RALGPS2: variants seen among roughly 807,000 people sequenced by gnomAD.
The protein encoded by RALGPS2 is ras-specific guanine nucleotide-releasing factor RalGPS2.
RALGPS2 carries 43 observed loss-of-function variants against 86.8 expected under a neutral mutation model. The ratio of observed to expected loss-of-function variants is 0.50; its 90% CI spans 0.39 to 0.64. The LOEUF (loss-of-function observed/expected upper bound fraction) is 0.64. Among genes scored for constraint, RALGPS2 ranks in the 30% least tolerant of loss-of-function variants. RALGPS2 has a pLI of 0.00. For synonymous variants in RALGPS2, 243 were observed against 231.3 expected, an observed-to-expected ratio of 1.05 and a Z score of -0.46; for missense variants, 536 against 694.6, an observed-to-expected ratio of 0.77 and a Z score of 2.57.
chr1:178,869,784 C>G (rs948288051), intron 8 of RALGPS2, among the ~76,000 whole-genome samples: 3 of 151,946 alleles, frequency 2.0e-5, no homozygotes, highest in African/African-American at 7.3e-5. Context: ...AAAGGAGCCC[C>G]AAATCTAACA....
intron 4 of RALGPS2, among the ~76,000 whole-genome samples, chr1:178,791,632 G>C (rs1572336978): frequency 6.6e-6 from 1 of 152,250 alleles, no homozygotes; most frequent in Non-Finnish European, 1.5e-5. Flanking sequence ...CAGTTTCTGA[G>C]TTACGTATAA....
intron 1 of RALGPS2, among the ~76,000 whole-genome samples, chr1:178,767,003 G>A (rs1362336926): frequency 6.6e-6 from 1 of 152,144 alleles, no homozygotes; most frequent in Non-Finnish European, 1.5e-5. Flanking sequence ...TGATTTTGCT[G>A]TTAAGATTTG....
intron 6 of RALGPS2, among the ~76,000 whole-genome samples, chr1:178,812,585 A>G (rs1011982003): frequency 3.3e-5 from 5 of 152,182 alleles, no homozygotes; most frequent in Admixed American, 3.3e-4. Flanking sequence ...CTATCTCAAA[A>G]TATGTCAAAG....
chr1:178,732,008 A>C (rs189280453), intron 1 of RALGPS2, among the ~76,000 whole-genome samples: 20 of 152,252 alleles, frequency 1.3e-4, no homozygotes, highest in South Asian at 8.3e-4. Context: ...GAGAGTTACT[A>C]TAGAAATAGG....
intron 7 of RALGPS2, among the ~76,000 whole-genome samples, chr1:178,824,583 C>T (rs766112979): frequency 6.6e-6 from 1 of 151,984 alleles, no homozygotes; most frequent in African/African-American, 2.4e-5. Context: ...CCAAGTCGGG[C>T]GGATCACAAG....
At chr1:178,781,871 A>C (rs188436124) in intron 2 of RALGPS2, among the ~76,000 whole-genome samples, 1 of 152,330 alleles carries the variant, frequency 6.6e-6, no homozygotes, top group East Asian at 1.9e-4. Context: ...GACATACTAT[A>C]AACTAGTCAT....
intron 1 of RALGPS2, among the ~76,000 whole-genome samples, chr1:178,726,850 A>G (rs186384031): frequency 6.6e-6 from 1 of 152,228 alleles, no homozygotes; most frequent in African/African-American, 2.4e-5. Context: ...TAGCTTGCTC[A>G]TTATAAAGCC....
intron 4 of RALGPS2, among the ~76,000 whole-genome samples, chr1:178,800,614 A>T (rs1654423647): frequency 6.6e-6 from 1 of 152,200 alleles, no homozygotes; most frequent in East Asian, 1.9e-4. Context: ...AATACATGTT[A>T]ATCACCTGTT....
At chr1:178,756,977 T>A (rs182597027) in intron 1 of RALGPS2, among the ~76,000 whole-genome samples, 2 of 152,268 alleles carry the variant, frequency 1.3e-5, no homozygotes, top group Non-Finnish European at 2.9e-5. Flanking sequence ...TTCAGCAGTG[T>A]TTTGTAGTTT....
chr1:178,734,172 C>A (rs971539857), intron 1 of RALGPS2, among the ~76,000 whole-genome samples: 3 of 152,194 alleles, frequency 2.0e-5, no homozygotes, highest in African/African-American at 7.2e-5. Flanking sequence ...TACCGCTTCA[C>A]ACCACTAGGA....
rs971983463 is a variant in RALGPS2 at position 178,854,000 on chromosome 1, C to T, written c.607+20450C>T. 4.0e-5 allele frequency among the ~76,000 whole-genome samples: 6 copies of T among 151,708 alleles called. No homozygotes were observed. In the East Asian group the frequency reaches 7.7e-4, roughly 20 times the overall value. ...CGTTTTCATCTGTTCTTTTCTTTTCCATATATGTATTTTTTATATTGTTAT... is the reference window on the plus strand; with the variant it reads ...CGTTTTCATCTGTTCTTTTCTTTTCTATATATGTATTTTTTATATTGTTAT... On this transcript the variant is annotated intron_variant, in intron 8 of 19. Transcript: ENST00000367635.
Position 178,725,356 on chromosome 1 carries a change from G to A in RALGPS2, c.-147G>A, listed in dbSNP as rs560669438. The A allele has an allele frequency of 6.4e-6, 1 of 155,812 alleles. No homozygotes were observed. The highest frequency in any genetic ancestry group is 6.6e-5 in the Admixed American group (1 of 15,222). The allele number at this position is 155,812 out of a possible 1,614,324, so 9.7% of individuals were successfully genotyped here. On this transcript the variant is annotated 5_prime_UTR_variant, in exon 1 of 20. Transcript: ENST00000367635. ...TGCTACTCTAGGCGGCGGCGGCCGT[G>A]GCGGTGAAGCGTGAGGCCGGCATCG...
intron 4 of RALGPS2, 22 bp downstream of exon 4, chr1:178,785,629 C>T (rs748150134): frequency 4.0e-5 from 62 of 1,550,246 alleles, no homozygotes; most frequent in Non-Finnish European, 5.2e-5. Flanking sequence ...TGAGAATGTT[C>T]CTTTTAAATA....
At chr1:178,899,331 C>T (rs555157571) in intron 17 of RALGPS2, among the ~76,000 whole-genome samples, 61 of 151,572 alleles carry the variant, frequency 4.0e-4, no homozygotes, top group Non-Finnish European at 7.1e-4. Flanking sequence ...TATTGAGTAC[C>T]AAGGAAATTG....
At chr1:178,741,103 C>G (rs145136875) in intron 1 of RALGPS2, among the ~76,000 whole-genome samples, 182 of 152,256 alleles carry the variant, frequency 1.2e-3, no homozygotes, top group African/African-American at 3.9e-3. Flanking sequence ...CTTACTGATT[C>G]ACTTGGAGCA....
At chr1:178,781,815 AT>A (rs1261639783) in intron 2 of RALGPS2, among the ~76,000 whole-genome samples, 3 of 152,228 alleles carry the variant, frequency 2.0e-5, no homozygotes, top group Non-Finnish European at 2.9e-5. Flanking sequence ...ACTTAACATT[AT>A]GAAAAAAATG....
chr1:178,791,476 T>G (rs1653955033), intron 4 of RALGPS2, among the ~76,000 whole-genome samples: 1 of 152,126 alleles, frequency 6.6e-6, no homozygotes, highest in African/African-American at 2.4e-5. Flanking sequence ...TGTAACATTA[T>G]TTTAGGTGAT....
chr1:178,753,789 A>C (rs185506356), intron 1 of RALGPS2: 18 of 152,036 alleles, frequency 1.2e-4, no homozygotes, highest in African/African-American at 4.3e-4. Flanking sequence ...TGTACTGTCT[A>C]TTGGATGTGT....
chr1:178,843,559 C>T lies in RALGPS2; in HGVS notation c.607+10009C>T, dbSNP rs1052928830. 2.1e-5 allele frequency among the ~76,000 whole-genome samples: 3 copies of T among 145,340 alleles called. No individual in the cohort carries two copies. The East Asian group carries it at 6.1e-4, about 30-fold the overall frequency. On this transcript the variant is annotated intron_variant, in intron 8 of 19. Transcript: ENST00000367635. ...GGGAGATATACCTAATGCTAGATGA[C>T]GAGTTAGTGGGTGCAGTGCACCAAC...
Sources: gnomAD v4.1 joint callset for allele counts (sites outside exome capture counted in the v4.1 genomes callset) on GRCh38, gnomAD v4.1.1 for gene constraint, MANE v1.5 for transcripts, NCBI Gene and HGNC (gene_info 2026-07-23, HGNC 2026-07-21) for gene names.